The following RNF19B variants were observed in gnomAD, a reference collection of about 807,000 sequenced individuals.
RNF19B encodes the protein E3 ubiquitin-protein ligase RNF19B.
RNF19B carries 23 observed loss-of-function variants against 65.5 expected under a neutral mutation model. The observed-to-expected ratio is 0.35, with a 90% CI of 0.25 to 0.50. The LOEUF is 0.50. Among genes scored for constraint, RNF19B ranks in the 20% least tolerant of loss-of-function variants. The pLI, the probability that RNF19B is intolerant of heterozygous loss-of-function variation, is 0.98. For missense variants in RNF19B, 794 were observed against 980.0 expected (o/e 0.81, Z 2.53); for synonymous variants, 372 against 379.6 (o/e 0.98, Z 0.23).
chr1:32,951,293 G>A (rs955823014), intron 1 of RNF19B, among the ~76,000 whole-genome samples: 12 of 152,236 alleles, frequency 7.9e-5, no homozygotes, highest in African/African-American at 1.9e-4. Context: ...CTGTCCCCAC[G>A]TCAGGCATAG....
At chr1:32,948,603 A>T (rs1480913718) in intron 2 of RNF19B, among the ~76,000 whole-genome samples, 1 of 152,200 alleles carries the variant, frequency 6.6e-6, no homozygotes, top group African/African-American at 2.4e-5. Context: ...CATCTTACAC[A>T]GCACTTGAAC....
chr1:32,934,457 G>GA (rs1170380630), downstream of RNF19B, among the ~76,000 whole-genome samples: 1 of 152,100 alleles, frequency 6.6e-6, no homozygotes, highest in Non-Finnish European at 1.5e-5. Context: ...GAGGTGGGGG[G>GA]AATCACTTGA....
At chr1:32,931,182 A>C in the RNF19B span, among the ~76,000 whole-genome samples, 1 of 152,222 alleles carries the variant, frequency 6.6e-6, no homozygotes, top group African/African-American at 2.4e-5. Context: ...AATGAAAATA[A>C]ATGTATATTC....
At chr1:32,941,528 A>C (rs1415786116) in intron 7 of RNF19B, among the ~76,000 whole-genome samples, 2 of 151,528 alleles carry the variant, frequency 1.3e-5, no homozygotes, top group Non-Finnish European at 2.9e-5. Context: ...CGACAGAGCA[A>C]GACTCCGTCT....
chr1:32,946,413 C>A lies in RNF19B; in HGVS notation c.1135G>T (p.Val379Phe), dbSNP rs1425356115. The change falls in exon 4 of 9, where the codon GTT becomes TTT. Residue 379 changes from valine to phenylalanine, a missense_variant. By Grantham distance (50) the Val-to-Phe change is conservative. This residue lies in a region of RNF19B where 52 missense variants were observed against 108.8 expected (regional missense o/e 0.48). Coordinates refer to ENST00000235150, the MANE Select transcript of RNF19B (RefSeq NM_001300826.2). ...PAMVIGIPVY[V>F]GRKIHSRYEG... ...CATGTCTTTCTTACCTTCCTTCCAA[C>A]ATAAACAGGAATGCCAATGACCATG... 1.9e-6 allele frequency: 3 copies of A among 1,613,850 alleles called. No individual in the cohort carries two copies. The highest frequency in any genetic ancestry group is 2.2e-5 in the South Asian group (2 of 91,042).
At chr1:32,963,338 C>T (rs970113945) in intron 1 of RNF19B, among the ~76,000 whole-genome samples, 8 of 152,158 alleles carry the variant, frequency 5.3e-5, no homozygotes, top group African/African-American at 9.7e-5. Flanking sequence ...GCCAAGTGGA[C>T]ACACCCCTCC....
intron 1 of RNF19B, among the ~76,000 whole-genome samples, chr1:32,952,429 T>TAAAAA (rs375150376): frequency 1.5e-4 from 11 of 74,008 alleles, no homozygotes; most frequent in African/African-American, 5.0e-4. Context: ...CCTTTTCTCT[T>TAAAAA]AAAAAAAAAA....
intron 1 of RNF19B, among the ~76,000 whole-genome samples, chr1:32,960,450 G>A (rs1014719316): frequency 6.6e-6 from 1 of 152,088 alleles, no homozygotes; most frequent in South Asian, 2.1e-4. Flanking sequence ...ACCAGCCCCA[G>A]AAGAATAGAA....
At chr1:32,957,607 G>A (rs918216066) in intron 1 of RNF19B, among the ~76,000 whole-genome samples, 1 of 152,138 alleles carries the variant, frequency 6.6e-6, no homozygotes, top group Non-Finnish European at 1.5e-5. Context: ...GGTGAGGCGG[G>A]TGGCTCGCTT....
chr1:32,946,784 G>A (rs192269346), intron 3 of RNF19B, among the ~76,000 whole-genome samples: 1 of 152,260 alleles, frequency 6.6e-6, no homozygotes, highest in African/African-American at 2.4e-5. Context: ...CAGGCTTCCA[G>A]ACTTGAAATT....
chr1:32,964,796 G>T lies in RNF19B; in HGVS notation c.-111C>A, dbSNP rs1367788413. 8.6e-6 allele frequency: 9 copies of T among 1,048,330 alleles called. No homozygotes were observed. The highest frequency in any genetic ancestry group is 1.1e-5 in the Non-Finnish European group (9 of 806,050). 64.9% of individuals were successfully genotyped at this position (1,048,330 alleles called of 1,614,324 possible). A position where few individuals can be genotyped will look rare whatever the true frequency, so the allele number is the denominator to read the frequency against. ...CGACGCCGCCACCACCGCCTCAACC[G>T]CCCTCCCGGCGATAGAAGCCGAGCG... On this transcript the variant is annotated 5_prime_UTR_variant, in exon 1 of 9. Coordinates refer to ENST00000235150, the MANE Select transcript of RNF19B (RefSeq NM_001300826.2). The surrounding 1 kb of genome is among the most constrained non-coding windows in gnomAD (Gnocchi z 6.5).
At chr1:32,932,584 T>C (rs372059821), downstream of RNF19B, among the ~76,000 whole-genome samples, 1 of 152,184 alleles carries the variant, frequency 6.6e-6, no homozygotes, top group Admixed American at 6.5e-5. Context: ...ATTTACCATA[T>C]CCACAAGCTT....
rs781356399 is a variant in RNF19B at position 32,948,359 on chromosome 1, G to A, written c.846C>T (p.Asp282=). The A allele has an allele frequency of 1.5e-5, 25 of 1,613,184 alleles. No homozygotes were observed. In the East Asian group the frequency reaches 2.9e-4, roughly 19 times the overall value. ...LSYGQESGPD[D]IKPCPRCSAY... is the part of the protein sequence containing the mutation. The stretch of plus-strand genomic sequence containing the variant: ...CACTGCATCGTGGGCATGGCTTGAT[G>A]TCATCTGCTATGAGTGGGGGAAGAA... Residue 282 remains aspartate (D), a synonymous_variant, in exon 3 of 9, where the codon GAC becomes GAT. Transcript: ENST00000235150.
Position 32,936,842 on chromosome 1 carries a change from A to C in RNF19B, c.2160T>G (p.Thr720=). The change falls in exon 9 of 9, where the codon ACT becomes ACG. Residue 720 remains threonine (T), a synonymous_variant. Coordinates refer to ENST00000235150, the MANE Select transcript of RNF19B (RefSeq NM_001300826.2). ...CTTCTCCACCTTCTGGCTTCAAGAC[A>C]GTTTGTCCCTCGGCTAGGGCAGAGA... The part of the protein sequence containing the change: ...MNLSALAEGQ[T]VLKPEGGEAR... 1 of 1,589,174 alleles carries C rather than the reference A, an allele frequency of 6.3e-7. No homozygotes were observed. The highest frequency in any genetic ancestry group is 8.6e-7 in the Non-Finnish European group (1 of 1,164,330).
At chr1:32,958,950 G>A (rs1642707639) in intron 1 of RNF19B, among the ~76,000 whole-genome samples, 1 of 152,126 alleles carries the variant, frequency 6.6e-6, no homozygotes, top group African/African-American at 2.4e-5. Flanking sequence ...AGGGGGTGGT[G>A]TGGAGTTGGG....
At chr1:32,937,773 A>C (rs1642139398) in intron 8 of RNF19B, among the ~76,000 whole-genome samples, 1 of 152,156 alleles carries the variant, frequency 6.6e-6, no homozygotes, top group African/African-American at 2.4e-5. Flanking sequence ...TGCTGATTTA[A>C]CTATACATGC....
At chr1:32,952,381 G>C (rs1231138201) in intron 1 of RNF19B, among the ~76,000 whole-genome samples, 1 of 143,458 alleles carries the variant, frequency 7.0e-6, no homozygotes, top group South Asian at 2.2e-4. Flanking sequence ...ATCGCTTGAG[G>C]CCAGCATTTT....
the RNF19B span, among the ~76,000 whole-genome samples, chr1:32,930,058 G>A: frequency 2.0e-5 from 3 of 152,220 alleles, no homozygotes; most frequent in Non-Finnish European, 2.9e-5. Context: ...AAATTAGGAG[G>A]TAAGTAGGTC....
chr1:32,957,749 G>A (rs370978113), intron 1 of RNF19B, among the ~76,000 whole-genome samples: 9 of 152,102 alleles, frequency 5.9e-5, no homozygotes, highest in Non-Finnish European at 1.3e-4. Context: ...CAGAAGAATC[G>A]CTTGAACCCG....
Sources: gnomAD v4.1 joint callset for allele counts (sites outside exome capture counted in the v4.1 genomes callset) on GRCh38, gnomAD v4.1.1 for gene constraint, gnomAD v4.1.1 regional missense constraint, Gnocchi (gnomAD v3.1) non-coding constraint, MANE v1.5 for transcripts, NCBI Gene and HGNC (gene_info 2026-07-23, HGNC 2026-07-21) for gene names.